The following DOCK5 variants were observed in gnomAD, a reference collection of about 807,000 sequenced individuals.
The protein encoded by DOCK5 is dedicator of cytokinesis protein 5.
A neutral mutation model predicts 251.8 loss-of-function variants in DOCK5; 142 were observed. That is an observed-to-expected ratio of 0.56 (90% confidence interval 0.49 to 0.65). DOCK5 has a LOEUF of 0.65. DOCK5 is among the 30% of genes least tolerant of loss of function. The pLI is 0.00. For synonymous variants in DOCK5, 842 were observed against 835.5 expected, an observed-to-expected ratio of 1.01 and a Z score of -0.13; for missense variants, 2,111 against 2,312.3, an observed-to-expected ratio of 0.91 and a Z score of 1.79.
chr8:25,281,343 G>T (rs922723591), intron 5 of DOCK5, among the ~76,000 whole-genome samples: 1 of 148,788 alleles, frequency 6.7e-6, no homozygotes, highest in African/African-American at 2.5e-5. Context: ...CAGGAGAATC[G>T]CAGGAGAATC....
In DOCK5 at chr8:25,299,044, G is replaced by T. The variant is rs1450327654; in HGVS notation, c.707G>T (p.Gly236Val). 6.2e-7 allele frequency: 1 copy of T among 1,613,822 alleles called. No individual in the cohort carries two copies. Among genetic ancestry groups the T allele is most frequent in the Non-Finnish European group, 8.5e-7 (1 of 1,179,866 alleles). Residue 236 changes from glycine to valine, a missense_variant, in exon 8 of 52, where the codon GGG becomes GTG. This residue lies in a region of DOCK5 where 335 missense variants were observed against 324.9 expected (regional missense o/e 1.03). Transcript: ENST00000276440. ...VNFKNFVCNI[G>V]EDAELFMALY... is the part of the protein sequence containing the mutation. ...TTCAAGAACTTTGTCTGCAACATCG[G>T]GGAAGATGCAGAGTTGTTTATGGCC...
At chr8:25,273,418 T>C (rs1459905660) in intron 3 of DOCK5, among the ~76,000 whole-genome samples, 1 of 152,006 alleles carries the variant, frequency 6.6e-6, no homozygotes, top group Non-Finnish European at 1.5e-5. Context: ...GCCTGGCCAA[T>C]ATGGTGAAAT....
chr8:25,372,565 A>G lies in DOCK5; in HGVS notation c.3531A>G (p.Leu1177=), dbSNP rs750707212. 2 of 1,581,194 alleles carry G rather than the reference A, an allele frequency of 1.3e-6. No individual in the cohort carries two copies. Among genetic ancestry groups the G allele is most frequent in the Non-Finnish European group, 1.7e-6 (2 of 1,168,628 alleles). The change falls in exon 35 of 52, where the codon CTA becomes CTG. Residue 1177 remains leucine (L), a synonymous_variant. Transcript: ENST00000276440. ...TCTCCCTCCGCCCCTCCAGGCTCCT[A>G]GAACATTGCCGGAAACACAAATACC... The part of the protein sequence containing the change: ...QYKVLLEKLL[L]EHCRKHKYLS...
At chr8:25,321,611 G>A (rs537493653) in intron 16 of DOCK5, among the ~76,000 whole-genome samples, 1 of 152,048 alleles carries the variant, frequency 6.6e-6, no homozygotes, top group African/African-American at 2.4e-5. Context: ...AGAATCTAAC[G>A]CTGCTGCTGA....
chr8:25,342,499 G>T lies in DOCK5; in HGVS notation c.2609G>T (p.Arg870Leu), dbSNP rs527517185. The stretch of plus-strand genomic sequence containing the variant: ...AAGATAGTAGAGAGCACTCTTTTTC[G>T]ACAGTCAGGTAAGTCTCCTTCAAAA... ...MTKIVESTLF[R>L]QSECREVLLP... The change falls in exon 25 of 52, where the codon CGA becomes CTA. Residue 870 changes from arginine to leucine, a missense_variant. Around this residue, in one of 3 missense-constraint regions of DOCK5, gnomAD observed 1,717 missense variants for 1,892.4 expected, o/e 0.91. Coordinates refer to ENST00000276440, the MANE Select transcript of DOCK5 (RefSeq NM_024940.8). The T allele has an allele frequency of 2.5e-6, 4 of 1,581,826 alleles. No homozygotes were observed. Among genetic ancestry groups the T allele is most frequent in the South Asian group, 1.1e-5 (1 of 87,058 alleles).
At chr8:25,187,553 C>T (rs1235303028) in intron 1 of DOCK5, among the ~76,000 whole-genome samples, 1 of 151,124 alleles carries the variant, frequency 6.6e-6, no homozygotes, top group African/African-American at 2.4e-5. Context: ...GAGAAATCTC[C>T]ATTGCTTATT....
In DOCK5 at chr8:25,239,327, GTGTGTGTGTGTGTA is replaced by G. The variant is rs1337301842; in HGVS notation, c.44-4333_44-4320del. On this transcript the variant is annotated intron_variant, in intron 1 of 51. Transcript: ENST00000276440. ...TTGGTGTGTGCGTGTATATGTGTGTGTGTGTGTGTGTGTATGTGTGTGTGTGTGTGTGTGTGTGT... is the reference window on the plus strand; with the variant it reads ...TTGGTGTGTGCGTGTATATGTGTGTGTGTGTGTGTGTGTGTGTGTGTGTGT... 9.8e-3 allele frequency among the ~76,000 whole-genome samples: 1,292 copies of G among 131,982 alleles called. 21 individuals are homozygous for G. The highest frequency in any genetic ancestry group is 0.036 in the African/African-American group (1,225 of 34,040). The allele number at this position is 131,982 out of a possible 152,430, so 86.6% of individuals were successfully genotyped here. A position where few individuals can be genotyped will look rare whatever the true frequency, so the allele number is the denominator to read the frequency against.
In DOCK5 at chr8:25,210,034, A is replaced by AT. The variant is rs1802086883; in HGVS notation, c.43+25083_43+25084insT. On this transcript the variant is annotated intron_variant, in intron 1 of 51. Coordinates refer to ENST00000276440, the MANE Select transcript of DOCK5 (RefSeq NM_024940.8). ...TATATATATATATATATATATATAT[A>AT]AATGTGTGTGTGTGTGTGTGTGTGT... Among the ~76,000 whole-genome samples the AT allele has an allele frequency of 1.6e-3, 21 of 13,326 alleles. 1 individual carries two copies. The highest frequency in any genetic ancestry group is 3.5e-3 in the African/African-American group (20 of 5,644). The allele number at this position is 13,326 out of a possible 152,430, so 8.7% of individuals were successfully genotyped here. A position where few individuals can be genotyped will look rare whatever the true frequency, so the allele number is the denominator to read the frequency against.
At chr8:25,235,665 T>A (rs1802778409) in intron 1 of DOCK5, among the ~76,000 whole-genome samples, 1 of 152,230 alleles carries the variant, frequency 6.6e-6, no homozygotes. Flanking sequence ...AGTCATCACT[T>A]GCTGCCAGTG....
chr8:25,298,670 AACTC>A (rs1804679698), intron 7 of DOCK5, among the ~76,000 whole-genome samples: 4 of 151,922 alleles, frequency 2.6e-5, no homozygotes, highest in Admixed American at 2.6e-4. Context: ...ACTCCATCAT[AACTC>A]ACTCACTGCA....
At chr8:25,334,940 C>A (rs908265872) in intron 21 of DOCK5, among the ~76,000 whole-genome samples, 1 of 152,186 alleles carries the variant, frequency 6.6e-6, no homozygotes, top group African/African-American at 2.4e-5. Flanking sequence ...CCATCTTTTG[C>A]ATAAGAGGCA....
chr8:25,279,772 G>A (rs1162771385), intron 5 of DOCK5, among the ~76,000 whole-genome samples: 2 of 150,496 alleles, frequency 1.3e-5, no homozygotes, highest in South Asian at 2.1e-4. Flanking sequence ...GTGCCACCCC[G>A]CCTGGCTAAT....
chr8:25,339,690 G>A (rs1464891246), intron 22 of DOCK5, among the ~76,000 whole-genome samples: 2 of 152,208 alleles, frequency 1.3e-5, no homozygotes, highest in African/African-American at 2.4e-5. Flanking sequence ...GAGGAGTAAC[G>A]AGAACCCAGT....
chr8:25,243,845 C>T (rs1803024849), intron 2 of DOCK5, 88 bp downstream of exon 2: 5 of 1,233,802 alleles, frequency 4.1e-6, no homozygotes, highest in African/African-American at 3.0e-5. Context: ...TAAACATCAA[C>T]ATGCTTGACT....
chr8:25,351,981 G>C (rs1390849701), intron 27 of DOCK5, among the ~76,000 whole-genome samples, 155 bp downstream of exon 27: 1 of 152,056 alleles, frequency 6.6e-6, no homozygotes, highest in Non-Finnish European at 1.5e-5. Flanking sequence ...TCTTGATTCT[G>C]ACATGGATTT....
intron 43 of DOCK5, 133 bp from the exon 44 acceptor site, chr8:25,392,663 A>C: frequency 1.3e-6 from 1 of 779,958 alleles, no homozygotes; most frequent in African/African-American, 1.7e-5. Flanking sequence ...CTCAGTCTCT[A>C]CGAGGCATTT....
chr8:25,356,026 A>G (rs1296358868), intron 27 of DOCK5, among the ~76,000 whole-genome samples: 1 of 92,216 alleles, frequency 1.1e-5, no homozygotes, highest in African/African-American at 3.4e-5. Flanking sequence ...CCCCGTCTCT[A>G]TTAAAATACA....
At chr8:25,397,126 G>T (rs1041370103) in intron 45 of DOCK5, among the ~76,000 whole-genome samples, 1 of 151,958 alleles carries the variant, frequency 6.6e-6, no homozygotes, top group Non-Finnish European at 1.5e-5. Flanking sequence ...AGAGGCTGAG[G>T]CATTAGAATT....
intron 18 of DOCK5, among the ~76,000 whole-genome samples, chr8:25,326,948 A>G (rs1428971007): frequency 2.0e-5 from 3 of 152,208 alleles, no homozygotes; most frequent in Non-Finnish European, 2.9e-5. Flanking sequence ...TTTTAACACT[A>G]TATACAGTAT....
Sources: allele counts gnomAD v4.1 joint callset (sites outside exome capture counted in the v4.1 genomes callset), GRCh38; gene constraint gnomAD v4.1.1; regional missense constraint gnomAD v4.1.1; transcripts MANE v1.5; gene names NCBI Gene and HGNC (gene_info 2026-07-23, HGNC 2026-07-21).